Variants in GNA11 observed in about 807,000 individuals in gnomAD.
GNA11 encodes G protein subunit alpha 11.
GNA11 carries 8 observed loss-of-function variants against 38.2 expected under a neutral mutation model. That is an observed-to-expected ratio of 0.21 (90% CI 0.12 to 0.38). GNA11 has a LOEUF of 0.38. GNA11 is among the 10% of genes least tolerant of loss of function. The pLI, the probability that GNA11 is intolerant of heterozygous loss-of-function variation, is 1.00. For synonymous variants in GNA11, 211 were observed against 221.4 expected, an observed-to-expected ratio of 0.95 and a Z score of 0.42; for missense variants, 268 against 516.3, an observed-to-expected ratio of 0.52 and a Z score of 4.66.
rs538094953 is a variant in GNA11, at chr19:3,106,710, C to T, written c.137-3439C>T. Among the ~76,000 whole-genome samples, 386 of 152,368 alleles carry T rather than the reference C, an allele frequency of 2.5e-3. 2 individuals are homozygous for T. Among genetic ancestry groups the T allele is most frequent in the African/African-American group, 8.3e-3 (345 of 41,580 alleles). On this transcript the variant is annotated intron_variant, in intron 1 of 6. Transcript: ENST00000078429. Reference sequence around the variant, plus strand: ...GTGTGTACATGTACATGCATGTGTGCGTGCACCATGCACGTGTGTGCTGAT... The same window carrying T: ...GTGTGTACATGTACATGCATGTGTGTGTGCACCATGCACGTGTGTGCTGAT...
intron 1 of GNA11, among the ~76,000 whole-genome samples, chr19:3,095,760 C>T (rs1913347982): frequency 6.6e-6 from 1 of 152,056 alleles, no homozygotes; most frequent in Non-Finnish European, 1.5e-5. Context: ...CCTCCCCCGC[C>T]CCCTTCCTTA....
rs1016248921 is a variant in GNA11 at position 3,123,042 on chromosome 19, C to T, written c.*1863C>T. On this transcript the variant is annotated 3_prime_UTR_variant, in exon 7 of 7. Coordinates refer to ENST00000078429, the MANE Select transcript of GNA11 (RefSeq NM_002067.5). ...TAAGAGGGTTGGTGCCAGAAGCCCC[C>T]CATGGCGAGTGCTGGGGCCCGGCGG... The T allele has an allele frequency of 1.7e-5, 4 of 233,310 alleles. No homozygotes were observed. Among genetic ancestry groups the T allele is most frequent in the African/African-American group, 8.8e-5 (4 of 45,366 alleles). The allele number at this position is 233,310 out of a possible 1,614,324, so 14.5% of individuals were successfully genotyped here. A position where few individuals can be genotyped will look rare whatever the true frequency, so the allele number is the denominator to read the frequency against.
At chr19:3,106,969 G>A (rs1197135119) in intron 1 of GNA11, among the ~76,000 whole-genome samples, 2 of 152,230 alleles carry the variant, frequency 1.3e-5, no homozygotes, top group African/African-American at 4.8e-5. Context: ...GGGCGCGGTG[G>A]CTCACGCCTG....
chr19:3,109,040 C>T (rs1306817330), intron 1 of GNA11, among the ~76,000 whole-genome samples: 1 of 152,246 alleles, frequency 6.6e-6, no homozygotes, highest in Non-Finnish European at 1.5e-5. Flanking sequence ...AGATGGCACA[C>T]TGTCACTTCC....
chr19:3,098,733 G>A (rs1237760771), intron 1 of GNA11, among the ~76,000 whole-genome samples: 3 of 152,224 alleles, frequency 2.0e-5, no homozygotes, highest in South Asian at 2.1e-4. Context: ...GGCGTGGAGC[G>A]TGGCCTCTGG....
chr19:3,122,354 A>G lies in GNA11; in HGVS notation c.*1175A>G, dbSNP rs1914101177. On this transcript the variant is annotated 3_prime_UTR_variant, in exon 7 of 7. Coordinates refer to ENST00000078429, the MANE Select transcript of GNA11 (RefSeq NM_002067.5). The surrounding 1 kb of genome is among the most constrained non-coding windows in gnomAD (Gnocchi z 7.7). ...CGGGGAGCGGGAAGCCAGCACTCGC[A>G]CTTTGGCCAGGGGCGCGTGGAAGGT... The G allele has an allele frequency of 4.3e-6, 1 of 231,994 alleles. No homozygotes were observed. Among genetic ancestry groups the G allele is most frequent in the South Asian group, 1.8e-4 (1 of 5,508 alleles). 14.4% of individuals were successfully genotyped at this position (231,994 alleles called of 1,614,324 possible). A position where few individuals can be genotyped will look rare whatever the true frequency, so the allele number is the denominator to read the frequency against.
At chr19:3,112,412 T>C (rs1401395990) in intron 2 of GNA11, among the ~76,000 whole-genome samples, 2 of 152,098 alleles carry the variant, frequency 1.3e-5, no homozygotes, top group South Asian at 2.1e-4. Flanking sequence ...AGGGCAAGGC[T>C]CCCTTCTTTC....
Position 3,119,534 on chromosome 19 carries a change from C to T in GNA11, c.889+175C>T, listed in dbSNP as rs1195885048. On this transcript the variant is annotated intron_variant, in intron 6 of 6. Coordinates refer to ENST00000078429, the MANE Select transcript of GNA11 (RefSeq NM_002067.5). This position sits in a 1 kb window ranked among gnomAD's most constrained non-coding sequence, Gnocchi z 4.6. ...AAGGGAGATCTCGTATGAGGGGGGC[C>T]TGTACGGGAATGAGTTCTCCGACGC... Among the ~76,000 whole-genome samples, 1 of 147,354 alleles carries T rather than the reference C, an allele frequency of 6.8e-6. No homozygotes were observed. Among genetic ancestry groups the T allele is most frequent in the Non-Finnish European group, 1.5e-5 (1 of 67,014 alleles).
intron 4 of GNA11, 46 bp downstream of exon 4, chr19:3,115,118 C>T (rs754733703): frequency 1.3e-6 from 2 of 1,595,988 alleles, no homozygotes; most frequent in South Asian, 2.2e-5. Context: ...CTGAGAGGCT[C>T]ATTTGCCCGG....
At chr19:3,098,231 T>C (rs967252992) in intron 1 of GNA11, among the ~76,000 whole-genome samples, 1 of 152,188 alleles carries the variant, frequency 6.6e-6, no homozygotes, top group African/African-American at 2.4e-5. Flanking sequence ...CAGCTGTGGA[T>C]GGGTACAGGA....
chr19:3,113,031 T>TC (rs1913813693), intron 2 of GNA11, among the ~76,000 whole-genome samples: 1 of 152,130 alleles, frequency 6.6e-6, no homozygotes, highest in Admixed American at 6.5e-5. Context: ...ACGTGCTTGT[T>TC]CCCCACACCG....
At chr19:3,097,384 T>A (rs1360295350) in intron 1 of GNA11, among the ~76,000 whole-genome samples, 1 of 151,902 alleles carries the variant, frequency 6.6e-6, no homozygotes, top group Non-Finnish European at 1.5e-5. Context: ...CCGTACAGCG[T>A]TGTGGAGTGG....
intron 1 of GNA11, among the ~76,000 whole-genome samples, chr19:3,102,830 T>C (rs1019318126): frequency 3.9e-5 from 6 of 152,210 alleles, no homozygotes; most frequent in Admixed American, 2.6e-4. Flanking sequence ...AGTACAGCTC[T>C]TGGTCAGGGT....
chr19:3,104,165 C>T (rs1483892355), intron 1 of GNA11, among the ~76,000 whole-genome samples: 1 of 152,282 alleles, frequency 6.6e-6, no homozygotes, highest in Non-Finnish European at 1.5e-5. Flanking sequence ...GCTGTCAGGG[C>T]TGCGCCCTCT....
chr19:3,118,165 C>CCCTGGGG (rs992130258), intron 4 of GNA11: 8 of 152,388 alleles, frequency 5.2e-5, no homozygotes, highest in East Asian at 1.9e-4. Flanking sequence ...CCCCGGCCTT[C>CCCTGGGG]CCTGGGGCCT....
Position 3,123,968 on chromosome 19 carries a change from T to TCCTGAATTCCA in GNA11, c.*2789_*2790insCCTGAATTCCA, listed in dbSNP as rs1491156617. ...CATATCTTTCTCCTGAAATGAACTC[T>TCCTGAATTCCA]GTTTTAAATTGGAATAAATTTTGTT... On this transcript the variant is annotated 3_prime_UTR_variant, in exon 7 of 7. Coordinates refer to ENST00000078429, the MANE Select transcript of GNA11 (RefSeq NM_002067.5). 3 of 224,370 alleles carry TCCTGAATTCCA rather than the reference T, an allele frequency of 1.3e-5. No homozygotes were observed. The East Asian group carries it at 1.9e-4, about 14-fold the overall frequency. The allele number at this position is 224,370 out of a possible 1,614,324, so 13.9% of individuals were successfully genotyped here.
chr19:3,115,208 A>G (rs1913879868), intron 4 of GNA11, 136 bp downstream of exon 4: 1 of 949,498 alleles, frequency 1.1e-6, no homozygotes, highest in African/African-American at 1.7e-5. Flanking sequence ...GTTTGAGACC[A>G]CCCTGGGCAA....
At chr19:3,105,562 G>GCCC (rs551985604) in intron 1 of GNA11, among the ~76,000 whole-genome samples, 2 of 152,118 alleles carry the variant, frequency 1.3e-5, no homozygotes, top group Non-Finnish European at 2.9e-5. Context: ...TCATGAAAGA[G>GCCC]CCCCCCAAGA....
chr19:3,096,146 C>T (rs1913358138), intron 1 of GNA11, among the ~76,000 whole-genome samples: 1 of 152,110 alleles, frequency 6.6e-6, no homozygotes, highest in African/African-American at 2.4e-5. Context: ...AACACGTTGC[C>T]TCTCCTGCCG....
Sources: allele counts gnomAD v4.1 joint callset (sites outside exome capture counted in the v4.1 genomes callset), GRCh38; gene constraint gnomAD v4.1.1; non-coding constraint Gnocchi (gnomAD v3.1); transcripts MANE v1.5; gene names NCBI Gene and HGNC (gene_info 2026-07-23, HGNC 2026-07-21).